The following WDR64 variants were observed in gnomAD, a reference collection of about 807,000 sequenced individuals.
WDR64 encodes WD repeat domain 64, also known as WD repeat-containing protein 64.
A neutral mutation model predicts 139.3 loss-of-function variants in WDR64; 112 were observed. The ratio of observed to expected loss-of-function variants is 0.80; its 90% confidence interval spans 0.69 to 0.94. The LOEUF is 0.94. Among genes scored for constraint, WDR64 ranks in the 40% least tolerant of loss-of-function variants. The pLI, the probability that WDR64 is intolerant of heterozygous loss-of-function variation, is 0.00. For synonymous variants in WDR64, 444 were observed against 437.7 expected (o/e 1.01, Z -0.18); for missense variants, 1,206 against 1,293.1 (o/e 0.93, Z 1.03).
intron 12 of WDR64, 97 bp downstream of exon 12, chr1:241,741,761 G>A (rs980525465): frequency 1.2e-4 from 153 of 1,253,128 alleles, no homozygotes; most frequent in African/African-American, 1.5e-4. Flanking sequence ...CAAATGTAGC[G>A]GCACATACGA....
chr1:241,653,675 C>G (rs1254153531), intron 1 of WDR64, among the ~76,000 whole-genome samples: 6 of 151,924 alleles, frequency 3.9e-5, no homozygotes, highest in South Asian at 4.2e-4. Context: ...TCCCAAGTAG[C>G]TGGGATTACA....
At chr1:241,675,039 C>CA (rs1666443293) in intron 4 of WDR64, among the ~76,000 whole-genome samples, 1 of 11,316 alleles carries the variant, frequency 8.8e-5, no homozygotes. Flanking sequence ...CTCCCTCCTT[C>CA]TTCTTTCCTT....
chr1:241,781,051 T>A (rs1658828019), intron 22 of WDR64, among the ~76,000 whole-genome samples: 1 of 152,166 alleles, frequency 6.6e-6, no homozygotes. Context: ...CATATATAGG[T>A]GAAAAGTTAT....
chr1:241,705,675 G>A (rs905536328), intron 8 of WDR64, among the ~76,000 whole-genome samples: 1 of 151,942 alleles, frequency 6.6e-6, no homozygotes, highest in African/African-American at 2.4e-5. Context: ...GCACCTTCGA[G>A]TTCCTGGGAT....
chr1:241,798,712 C>T (rs1659435454), intron 27 of WDR64, among the ~76,000 whole-genome samples: 1 of 152,178 alleles, frequency 6.6e-6, no homozygotes, highest in South Asian at 2.1e-4. Flanking sequence ...AAGGAACTTA[C>T]AGTACAGTTG....
chr1:241,758,657 T>C (rs1044916891), intron 15 of WDR64, among the ~76,000 whole-genome samples: 8 of 152,188 alleles, frequency 5.3e-5, no homozygotes, highest in African/African-American at 1.4e-4. Flanking sequence ...ACTATTATTA[T>C]TGATGCCCAA....
At chr1:241,770,860 C>T (rs899180877) in intron 18 of WDR64, among the ~76,000 whole-genome samples, 170 bp downstream of exon 18, 3 of 152,070 alleles carry the variant, frequency 2.0e-5, no homozygotes, top group Admixed American at 2.0e-4. Context: ...AATGCAATGT[C>T]TAAATTGTTT....
At chr1:241,777,667 C>A (rs1178808630) in intron 21 of WDR64, among the ~76,000 whole-genome samples, 1 of 152,160 alleles carries the variant, frequency 6.6e-6, no homozygotes, top group African/African-American at 2.4e-5. Context: ...ATCCACCCAC[C>A]TCAGCCTCCC....
chr1:241,783,944 G>A (rs61827118), intron 23 of WDR64, among the ~76,000 whole-genome samples: 27,010 of 152,228 alleles, frequency 0.18, 2,827 homozygotes, highest in African/African-American at 0.27. Flanking sequence ...ATATTGAAAT[G>A]TCTTAAAATC....
At chr1:241,800,262 G>A (rs574982283) in intron 27 of WDR64, among the ~76,000 whole-genome samples, 16 of 152,218 alleles carry the variant, frequency 1.1e-4, no homozygotes, top group African/African-American at 2.6e-4. Context: ...TAAAGGATCC[G>A]TAAGTGGTTG....
chr1:241,786,394 A>G (rs961134053), intron 23 of WDR64, among the ~76,000 whole-genome samples: 3 of 152,244 alleles, frequency 2.0e-5, no homozygotes, highest in Admixed American at 6.5e-5. Flanking sequence ...AATAAAAGGA[A>G]GATCTTCCAA....
intron 14 of WDR64, among the ~76,000 whole-genome samples, chr1:241,751,425 C>T (rs1669978520): frequency 6.6e-6 from 1 of 152,126 alleles, no homozygotes; most frequent in African/African-American, 2.4e-5. Context: ...ACCTCTATCT[C>T]TCTATCTTCC....
chr1:241,797,722 TTTAA>T (rs375943080), intron 27 of WDR64, among the ~76,000 whole-genome samples: 7 of 152,194 alleles, frequency 4.6e-5, no homozygotes, highest in African/African-American at 1.7e-4. Context: ...ATCATTTACT[TTTAA>T]TTGTTTTATG....
At chr1:241,758,819 A>G (rs1670309709) in intron 15 of WDR64, among the ~76,000 whole-genome samples, 1 of 152,086 alleles carries the variant, frequency 6.6e-6, no homozygotes, top group Non-Finnish European at 1.5e-5. Context: ...TGTTTCTCCA[A>G]TATATTCTAC....
At chr1:241,771,967 T>TATATATAA (rs1276241552) in intron 19 of WDR64, among the ~76,000 whole-genome samples, 17 of 122,068 alleles carry the variant, frequency 1.4e-4, no homozygotes, top group Non-Finnish European at 2.3e-4. Context: ...TATATATATA[T>TATATATAA]ATATATATAT....
At chr1:241,691,368 A>G (rs1397241720) in intron 8 of WDR64, among the ~76,000 whole-genome samples, 1 of 152,228 alleles carries the variant, frequency 6.6e-6, no homozygotes, top group African/African-American at 2.4e-5. Context: ...TAAGAGACAG[A>G]GATTGTCAGA....
rs776442894 is a variant in WDR64 at position 241,738,509 on chromosome 1, G to A, written c.1321+20G>A. The A allele has an allele frequency of 4.4e-6, 7 of 1,593,278 alleles. No homozygotes were observed. The highest frequency in any genetic ancestry group is 2.7e-5 in the African/African-American group (2 of 74,184). ...TTACGGGTAAGTGTACCCAATTAAT[G>A]TCAAACGAAACTCATGTCTTGATTT... is the stretch of plus-strand genomic sequence containing the variant. On this transcript the variant is annotated intron_variant, in intron 11 of 27. Transcript: ENST00000437684.
chr1:241,798,342 AT>A (rs1304859780), intron 27 of WDR64, among the ~76,000 whole-genome samples: 1 of 152,230 alleles, frequency 6.6e-6, no homozygotes, highest in Non-Finnish European at 1.5e-5. Context: ...ACTAAAAGAA[AT>A]AGTTAAGTGT....
At chr1:241,670,950 T>TACCAGG (rs1666203002) in intron 2 of WDR64, 124 bp from the exon 3 acceptor site, 1 of 648,408 alleles carries the variant, frequency 1.5e-6, no homozygotes, top group Non-Finnish European at 2.5e-6. Context: ...CCCCCTGACA[T>TACCAGG]TCACAAAGCA....
Sources: gnomAD v4.1 joint callset for allele counts (sites outside exome capture counted in the v4.1 genomes callset) on GRCh38, gnomAD v4.1.1 for gene constraint, MANE v1.5 for transcripts, NCBI Gene and HGNC (gene_info 2026-07-23, HGNC 2026-07-21) for gene names.